SELENOF: variants seen among roughly 807,000 people sequenced by gnomAD.
The protein encoded by SELENOF is selenoprotein F.
Under a neutral mutation model 20.5 loss-of-function variants are expected in SELENOF, and 16 were observed. That is an observed-to-expected ratio of 0.78 (90% CI 0.53 to 1.19). The LOEUF (loss-of-function observed/expected upper bound fraction) is 1.19, where lower values mean the gene tolerates loss of function less well. Among genes scored for constraint, SELENOF ranks in the 50% most tolerant of loss-of-function variants. The pLI is 0.00. For synonymous variants in SELENOF, 78 were observed against 74.5 expected (o/e 1.05, Z -0.24); for missense variants, 215 against 194.2 (o/e 1.11, Z -0.64).
intron 3 of SELENOF, among the ~76,000 whole-genome samples, chr1:86,877,437 G>A (rs763095194): frequency 6.6e-6 from 1 of 152,112 alleles, no homozygotes; most frequent in African/African-American, 2.4e-5. Context: ...TAACTGAAAT[G>A]CATGGGACCA....
At chr1:86,897,142 C>T (rs527387526) in intron 2 of SELENOF, among the ~76,000 whole-genome samples, 2 of 152,156 alleles carry the variant, frequency 1.3e-5, no homozygotes, top group South Asian at 4.1e-4. Context: ...CCTGTCTCTA[C>T]TAAAAATACA....
chr1:86,913,713 T>C, intron 1 of SELENOF: 1 of 302,992 alleles, frequency 3.3e-6, no homozygotes, highest in Non-Finnish European at 6.4e-6. Flanking sequence ...AAAAACAACC[T>C]CCACTTCTTG....
chr1:86,873,745 G>C (rs1658848550), intron 3 of SELENOF, among the ~76,000 whole-genome samples: 1 of 151,732 alleles, frequency 6.6e-6, no homozygotes, highest in South Asian at 2.1e-4. Context: ...CCAGCTACTT[G>C]GGAGGCTGAG....
At chr1:86,899,751 CGGGG>C (rs1395886043) in intron 2 of SELENOF, among the ~76,000 whole-genome samples, 1 of 148,952 alleles carries the variant, frequency 6.7e-6, no homozygotes, top group Admixed American at 6.6e-5. Context: ...ACTTCCCAGA[CGGGG>C]TGGCTGCCGG....
chr1:86,864,392 C>G (rs1658539386), intron 4 of SELENOF, among the ~76,000 whole-genome samples: 1 of 152,156 alleles, frequency 6.6e-6, no homozygotes, highest in African/African-American at 2.4e-5. Context: ...AATTAAGTAG[C>G]ATTGGATAAC....
At chr1:86,867,312 G>A (rs1449044884) in intron 4 of SELENOF, among the ~76,000 whole-genome samples, 1 of 151,962 alleles carries the variant, frequency 6.6e-6, no homozygotes, top group African/African-American at 2.4e-5. Context: ...CCAATGTGGC[G>A]AAACCCCATC....
chr1:86,882,494 T>TAA (rs77238406), intron 2 of SELENOF, among the ~76,000 whole-genome samples: 7 of 130,188 alleles, frequency 5.4e-5, no homozygotes, highest in South Asian at 2.4e-4. Flanking sequence ...TAGCTATTAT[T>TAA]AAAAAAAAAA....
At chr1:86,906,716 A>G (rs2102130441) in intron 1 of SELENOF, among the ~76,000 whole-genome samples, 1 of 152,302 alleles carries the variant, frequency 6.6e-6, no homozygotes, top group Middle Eastern at 3.4e-3. Context: ...TGAGTAAACC[A>G]CCTTCAGATT....
intron 1 of SELENOF, among the ~76,000 whole-genome samples, chr1:86,907,021 G>C (rs1233150978): frequency 1.3e-5 from 2 of 152,108 alleles, no homozygotes; most frequent in African/African-American, 4.8e-5. Flanking sequence ...TATACTATTT[G>C]GTTTTATTCT....
At chr1:86,886,389 G>A (rs1283010217) in intron 2 of SELENOF, among the ~76,000 whole-genome samples, 1 of 150,950 alleles carries the variant, frequency 6.6e-6, no homozygotes, top group Non-Finnish European at 1.5e-5. Flanking sequence ...AATCTGAAAA[G>A]GTAAACCATA....
intron 1 of SELENOF, among the ~76,000 whole-genome samples, chr1:86,905,552 C>T (rs1315684638): frequency 2.0e-5 from 3 of 152,134 alleles, no homozygotes; most frequent in Non-Finnish European, 2.9e-5. Flanking sequence ...CAGTACCGTT[C>T]GTGACACTGT....
rs927660110 is a variant in SELENOF at position 86,891,819 on chromosome 1, G to A, written c.253-11094C>T. On this transcript the variant is annotated intron_variant, in intron 2 of 4. Transcript: ENST00000331835. The stretch of plus-strand genomic sequence containing the variant: ...AATAAAGATAATAATGGAATTTACC[G>A]AGTTGTTGTGAGGTTCTATAAATTC... Among the ~76,000 whole-genome samples, 12 of 152,016 alleles carry A rather than the reference G, an allele frequency of 7.9e-5. No individual in the cohort carries two copies. The East Asian group carries it at 9.6e-4, about 12-fold the overall frequency.
At chr1:86,881,167 T>TA (rs1659057722) in intron 2 of SELENOF, among the ~76,000 whole-genome samples, 1 of 152,176 alleles carries the variant, frequency 6.6e-6, no homozygotes, top group Non-Finnish European at 1.5e-5. Context: ...ATCAAAGTTT[T>TA]AAAATTAAAA....
chr1:86,869,568 C>T (rs867048677), intron 3 of SELENOF, among the ~76,000 whole-genome samples: 2 of 152,152 alleles, frequency 1.3e-5, no homozygotes, highest in African/African-American at 4.8e-5. Flanking sequence ...GAGGCCTATA[C>T]ATGGGGCATT....
chr1:86,893,462 A>G (rs1354072088), intron 2 of SELENOF, among the ~76,000 whole-genome samples: 1 of 151,548 alleles, frequency 6.6e-6, no homozygotes, highest in Non-Finnish European at 1.5e-5. Flanking sequence ...AAAAAAAAAA[A>G]AAAAAAATAG....
intron 1 of SELENOF, chr1:86,913,729 C>G: frequency 2.9e-6 from 1 of 340,424 alleles, no homozygotes; most frequent in Non-Finnish European, 5.5e-6. Context: ...TCTTGCCAAG[C>G]TTTATTATTC....
At chr1:86,909,995 A>G (rs1464487103) in intron 1 of SELENOF, among the ~76,000 whole-genome samples, 1 of 152,268 alleles carries the variant, frequency 6.6e-6, no homozygotes, top group African/African-American at 2.4e-5. Flanking sequence ...TCTCAAAAAA[A>G]AAGTATGATG....
chr1:86,870,311 C>T (rs1658727665), intron 3 of SELENOF, among the ~76,000 whole-genome samples: 1 of 152,120 alleles, frequency 6.6e-6, no homozygotes, highest in Non-Finnish European at 1.5e-5. Flanking sequence ...AAAATGAAAC[C>T]AATTATGCTA....
intron 2 of SELENOF, chr1:86,887,295 A>C: frequency 1.5e-6 from 2 of 1,294,892 alleles, no homozygotes; most frequent in Non-Finnish European, 2.0e-6. Context: ...ATTACTACTC[A>C]TCTTGGAGTG....
Sources: gnomAD v4.1 joint callset for allele counts (sites outside exome capture counted in the v4.1 genomes callset) on GRCh38, gnomAD v4.1.1 for gene constraint, MANE v1.5 for transcripts, NCBI Gene and HGNC (gene_info 2026-07-23, HGNC 2026-07-21) for gene names.